The following COL6A1 variants were observed in gnomAD, a reference collection of about 807,000 sequenced individuals.
COL6A1 encodes the protein collagen type VI alpha 1 chain, also known as collagen alpha-1(VI) chain.
COL6A1 carries 80 observed loss-of-function variants against 145.6 expected under a neutral mutation model. The observed-to-expected ratio is 0.55, with a 90% confidence interval of 0.46 to 0.66. The LOEUF is 0.66. COL6A1 is among the 30% of genes least tolerant of loss of function. COL6A1 has a pLI of 0.00. For synonymous variants in COL6A1, 638 were observed against 622.8 expected (o/e 1.02, Z -0.36); for missense variants, 1,364 against 1,473.8 (o/e 0.93, Z 1.22).
chr21:46,000,379 T>C lies in COL6A1; in HGVS notation c.1813+12T>C, dbSNP rs1435817883. On this transcript the variant is annotated intron_variant, in intron 28 of 34. Coordinates refer to ENST00000361866, the MANE Select transcript of COL6A1 (RefSeq NM_001848.3). ...CATGAAAATGTGCTGTGAGTATCTC[T>C]GAGAAGCCGTCCTCGTTAGGGAGAG... 1.4e-5 allele frequency: 22 copies of C among 1,613,858 alleles called. No individual in the cohort carries two copies. Among genetic ancestry groups the C allele is most frequent in the Non-Finnish European group, 1.9e-5 (22 of 1,179,830 alleles).
chr21:45,996,768 G>A (rs562508831), intron 20 of COL6A1, among the ~76,000 whole-genome samples: 217 of 152,272 alleles, frequency 1.4e-3, no homozygotes, highest in African/African-American at 4.4e-3. Context: ...AGTTGTCCAC[G>A]GAGCAGGCCC....
At chr21:45,993,779 A>G (rs2077789786) in intron 19 of COL6A1, among the ~76,000 whole-genome samples, 1 of 152,224 alleles carries the variant, frequency 6.6e-6, no homozygotes, top group African/African-American at 2.4e-5. Context: ...CTCTGAGATC[A>G]GGATATGAGA....
Position 45,997,449 on chromosome 21 carries a change from G to C in COL6A1, c.1427G>C (p.Gly476Ala). ...GAGGCTGGCCCTATCGGACCTAAAG[G>C]CTACCGAGGCGATGAGGGTCCCCCA... ...PGEAGPIGPK[G>A]YRGDEGPPGS... The change falls in exon 21 of 35, where the codon GGC (glycine) becomes GCC (alanine). Residue 476 changes from glycine (G) to alanine (A), a missense_variant. By Grantham distance (60) the Gly-to-Ala change is moderately conservative. Transcript: ENST00000361866. The C allele has an allele frequency of 6.2e-7, 1 of 1,612,708 alleles. No individual in the cohort carries two copies. The highest frequency in any genetic ancestry group is 8.5e-7 in the Non-Finnish European group (1 of 1,179,854).
At chr21:45,986,858 C>A (rs554986351) in intron 4 of COL6A1, 86 bp from the exon 5 acceptor site, 2 of 1,531,542 alleles carry the variant, frequency 1.3e-6, no homozygotes, top group South Asian at 2.4e-5. Context: ...GCGCCCCAGC[C>A]CAGCCTCCCC....
At chr21:45,999,782 A>T in intron 27 of COL6A1, 90 bp downstream of exon 27, 177 of 819,928 alleles carry the variant, frequency 2.2e-4, no homozygotes, top group Non-Finnish European at 2.7e-4. Context: ...GCTCCTGTAG[A>T]CGCTGCTCAC....
At chr21:45,992,602 C>T in intron 18 of COL6A1, 146 bp from the exon 19 acceptor site, 5 of 1,044,174 alleles carry the variant, frequency 4.8e-6, no homozygotes, top group Non-Finnish European at 7.1e-6. Context: ...ATTCCGGCCT[C>T]TGCAACCGTG....
chr21:46,003,218 AC>A, intron 34 of COL6A1, 69 bp downstream of exon 34: 2 of 1,611,312 alleles, frequency 1.2e-6, no homozygotes, highest in Non-Finnish European at 1.7e-6. Flanking sequence ...CTCTGAGAGG[AC>A]GGGGCTCTGG....
chr21:45,998,958 A>C lies in COL6A1; in HGVS notation c.1673A>C (p.Asp558Ala). 6.4e-7 allele frequency: 1 copy of C among 1,553,216 alleles called. No individual in the cohort carries two copies. Among genetic ancestry groups the C allele is most frequent in the East Asian group, 2.4e-5 (1 of 41,624 alleles). Residue 558 changes from aspartate (D) to alanine (A), a missense_variant and splice_region_variant, in exon 25 of 35, where the codon GAT becomes GCT. Coordinates refer to ENST00000361866, the MANE Select transcript of COL6A1 (RefSeq NM_001848.3). ...DEGEAGDPGD[D>A]NNDIAPRGVK... is the part of the protein sequence containing the mutation. ...GGAGAAGCCGGGGACCCCGGAGACGATGTAAGTGTGGATGGGAGGCAGGGC... is the reference window on the plus strand; with the variant it reads ...GGAGAAGCCGGGGACCCCGGAGACGCTGTAAGTGTGGATGGGAGGCAGGGC...
chr21:45,987,711 A>G lies in COL6A1; in HGVS notation c.804+57A>G. On this transcript the variant is annotated intron_variant, in intron 8 of 34. Transcript: ENST00000361866. ...TGTGGGGCCTGGGAGTGGGGGTGGC[A>G]GGACCAAAGCCTCCTGGGCACCCAA... 2.6e-6 allele frequency: 4 copies of G among 1,560,696 alleles called. No individual in the cohort carries two copies. In the South Asian group the frequency reaches 3.5e-5, roughly 14 times the overall value.
chr21:46,001,455 G>A (rs556569410), intron 30 of COL6A1, 69 bp downstream of exon 30: 95 of 1,587,408 alleles, frequency 6.0e-5, no homozygotes, highest in African/African-American at 6.7e-5. Flanking sequence ...GCCCCTGCCC[G>A]CGCCAGACCT....
rs143695871 is a variant in COL6A1 at position 46,002,053 on chromosome 21, C to T, written c.2049C>T (p.Asn683=). ...GCCTGCGCAGCCCCAGCATCCGGAA[C>T]GTGCAGGAGCTCAAGGAGTGAGTGC... is the stretch of plus-strand genomic sequence containing the variant. ...HVSLRSPSIR[N]VQELKEAIKS... The change falls in exon 31 of 35, where the codon AAC becomes AAT. Residue 683 remains asparagine, a synonymous_variant. Coordinates refer to ENST00000361866, the MANE Select transcript of COL6A1 (RefSeq NM_001848.3). The T allele has an allele frequency of 2.4e-4, 392 of 1,611,864 alleles. No homozygotes were observed. In the African/African-American group the frequency reaches 4.3e-3, roughly 18 times the overall value.
Position 45,987,626 on chromosome 21 carries a change from C to T in COL6A1, c.776C>T (p.Pro259Leu), listed in dbSNP as rs767905829. The change falls in exon 8 of 35, where the codon CCG (proline) becomes CTG (leucine). Residue 259 changes from proline (P) to leucine (L), a missense_variant. Pro to Leu is a moderately conservative substitution (Grantham distance 98). Transcript: ENST00000361866. ...GCCTTGCAGCCTGCAAGAGGACCTC[C>T]GGGGCTCCGGGGCGACCCCGGCTTT... ...SFECQPARGP[P>L]GLRGDPGFEG... is the part of the protein sequence containing the mutation. 4.7e-5 allele frequency: 76 copies of T among 1,611,034 alleles called. No individual in the cohort carries two copies. The highest frequency in any genetic ancestry group is 2.4e-4 in the South Asian group (22 of 90,962).
At chr21:46,002,837 G>A (rs866886613) in intron 33 of COL6A1, 127 bp downstream of exon 33, 29 of 1,232,050 alleles carry the variant, frequency 2.4e-5, no homozygotes, top group South Asian at 1.5e-4. Context: ...GTAGGTGCAC[G>A]CGGGGCCGCC....
chr21:45,990,580 G>C (rs2077770846), intron 13 of COL6A1, among the ~76,000 whole-genome samples, 158 bp downstream of exon 13: 1 of 150,332 alleles, frequency 6.7e-6, no homozygotes, highest in Admixed American at 6.6e-5. Context: ...GGAGGGATGG[G>C]GTGAGGTGAT....
rs79525510 is a variant in COL6A1, at chr21:46,004,655, C to T, written c.*642C>T. ...GTTGCAGACATAAATCTCGGCGACT[C>T]GGCCCCGTCTCCTGAGGGTCCTGCT... On this transcript the variant is annotated 3_prime_UTR_variant, in exon 35 of 35. Transcript: ENST00000361866. The T allele has an allele frequency of 6.5e-4, 287 of 439,606 alleles. No individual in the cohort carries two copies. The highest frequency in any genetic ancestry group is 4.4e-3 in the African/African-American group (220 of 49,628). The allele number at this position is 439,606 out of a possible 1,614,324, so 27.2% of individuals were successfully genotyped here. A position where few individuals can be genotyped will look rare whatever the true frequency, so the allele number is the denominator to read the frequency against.
chr21:45,990,110 A>G (rs1300716819), intron 11 of COL6A1, 148 bp from the exon 12 acceptor site: 3 of 1,093,488 alleles, frequency 2.7e-6, no homozygotes, highest in Non-Finnish European at 2.7e-6. Context: ...GCCCCTCCCC[A>G]TCACTGTCAG....
At chr21:45,990,930 G>T (rs2077773238) in intron 14 of COL6A1, 49 bp from the exon 15 acceptor site, 4 of 1,611,820 alleles carry the variant, frequency 2.5e-6, no homozygotes, top group Non-Finnish European at 3.4e-6. Flanking sequence ...TGCTGCCAGA[G>T]GCCGCGGTGG....
rs373731596 is a variant in COL6A1 at position 46,002,034 on chromosome 21, G to A, written c.2030G>A (p.Arg677His). ...HSQMQEHVSL[R>H]SPSIRNVQEL... ...CAGATGCAGGAGCACGTGAGCCTGC[G>A]CAGCCCCAGCATCCGGAACGTGCAG... Residue 677 changes from arginine (R) to histidine (H), a missense_variant, in exon 31 of 35, where the codon CGC (arginine) becomes CAC (histidine). Transcript: ENST00000361866. 25 of 1,612,272 alleles carry A rather than the reference G, an allele frequency of 1.6e-5. No homozygotes were observed. Among genetic ancestry groups the A allele is most frequent in the African/African-American group, 9.3e-5 (7 of 74,916 alleles).
At chr21:45,999,512 C>T in intron 26 of COL6A1, 145 bp from the exon 27 acceptor site, 1 of 921,640 alleles carries the variant, frequency 1.1e-6, no homozygotes, top group Non-Finnish European at 1.7e-6. Flanking sequence ...AGCACCGTCA[C>T]TGGAGGACGA....
Sources: allele counts gnomAD v4.1 joint callset (sites outside exome capture counted in the v4.1 genomes callset), GRCh38; gene constraint gnomAD v4.1.1; transcripts MANE v1.5; gene names NCBI Gene and HGNC (gene_info 2026-07-23, HGNC 2026-07-21).